The following GAREM2 variants were observed in gnomAD, a reference collection of about 807,000 sequenced individuals.
GAREM2 encodes GRB2-associated and regulator of MAPK protein 2.
Under a neutral mutation model 55.6 loss-of-function variants are expected in GAREM2, and 30 were observed. That is an observed-to-expected ratio of 0.54 (90% CI 0.40 to 0.73). The LOEUF (loss-of-function observed/expected upper bound fraction) is 0.73. Among genes scored for constraint, GAREM2 ranks in the 30% least tolerant of loss-of-function variants. GAREM2 has a pLI of 0.00. For missense variants in GAREM2, 1,075 were observed against 1,257.7 expected, an observed-to-expected ratio of 0.85 and a Z score of 2.20; for synonymous variants, 550 against 569.1, an observed-to-expected ratio of 0.97 and a Z score of 0.48.
At chr2:26,190,411 G>T (rs982993535), downstream of GAREM2, among the ~76,000 whole-genome samples, 1 of 152,136 alleles carries the variant, frequency 6.6e-6, no homozygotes, top group Non-Finnish European at 1.5e-5. Context: ...TGAAGCTTTG[G>T]GGGAGTGCAG....
At chr2:26,197,677 T>C in the GAREM2 span, 5 of 1,194,476 alleles carry the variant, frequency 4.2e-6, no homozygotes, top group Non-Finnish European at 6.3e-6. Flanking sequence ...GGTTTTTCTC[T>C]GTTCCGAGTT....
downstream of GAREM2, chr2:26,191,412 G>A (rs1195994754): frequency 1.2e-6 from 2 of 1,614,036 alleles, no homozygotes. Flanking sequence ...AGAGAAAGAG[G>A]ACTTCGTTGA....
chr2:26,175,351 A>G (rs1427568085), intron 1 of GAREM2, among the ~76,000 whole-genome samples: 3 of 151,422 alleles, frequency 2.0e-5, no homozygotes, highest in African/African-American at 7.3e-5. Flanking sequence ...ACCCCTCCCA[A>G]CTCCCAACAC....
At chr2:26,177,914 AC>A (rs1668915829) in intron 2 of GAREM2, among the ~76,000 whole-genome samples, 1 of 152,222 alleles carries the variant, frequency 6.6e-6, no homozygotes, top group Non-Finnish European at 1.5e-5. Context: ...GGTGTCAGCC[AC>A]CAAACCCAGC....
chr2:26,196,747 A>AT, the GAREM2 span, among the ~76,000 whole-genome samples: 1 of 152,236 alleles, frequency 6.6e-6, no homozygotes, highest in South Asian at 2.1e-4. Flanking sequence ...CTCTGCTCCG[A>AT]TGGCGGGGAG....
rs1188929764 is a variant in GAREM2 at position 26,176,238 on chromosome 2, C to T, written c.113-106C>T. The T allele has an allele frequency of 1.1e-5, 12 of 1,116,156 alleles. No homozygotes were observed. The Admixed American group carries it at 3.2e-4, about 30-fold the overall frequency. 69.1% of individuals were successfully genotyped at this position (1,116,156 alleles called of 1,614,324 possible). On this transcript the variant is annotated intron_variant, in intron 1 of 5. Coordinates refer to ENST00000401533, the MANE Select transcript of GAREM2 (RefSeq NM_001168241.2). ...CTGGACAGGGATTGTGTGGAGCTGT[C>T]CCTCAGGGGGGCGGTCTTGGTGAGG... is the stretch of plus-strand genomic sequence containing the variant.
chr2:26,173,260 A>T lies in GAREM2; in HGVS notation c.40A>T (p.Ser14Cys), dbSNP rs749477554. Reference sequence around the variant, plus strand: ...GGCCGGGCTGGCCGGCCTGCGCTGGAGCATGGGCGCCTTCCCGCTCGACCT... The same window carrying T: ...GGCCGGGCTGGCCGGCCTGCGCTGGTGCATGGGCGCCTTCCCGCTCGACCT... ...LAAGLAGLRW[S>C]MGAFPLDLIV... Residue 14 changes from serine (S) to cysteine (C), a missense_variant, in exon 1 of 6, where the codon AGC (serine) becomes TGC (cysteine). By Grantham distance (112) the Ser-to-Cys change is moderately radical. Coordinates refer to ENST00000401533, the MANE Select transcript of GAREM2 (RefSeq NM_001168241.2). 7.1e-7 allele frequency: 1 copy of T among 1,412,962 alleles called. No homozygotes were observed. The allele number at this position is 1,412,962 out of a possible 1,614,324, so 87.5% of individuals were successfully genotyped here.
chr2:26,181,297 C>G (rs1279665344), intron 2 of GAREM2: 1 of 210,684 alleles, frequency 4.7e-6, no homozygotes, highest in Non-Finnish European at 8.2e-6. Flanking sequence ...CACGCACCAT[C>G]TGGGGCAGGT....
chr2:26,173,717 C>G (rs1423480729), intron 1 of GAREM2, among the ~76,000 whole-genome samples: 1 of 151,114 alleles, frequency 6.6e-6, no homozygotes, highest in Non-Finnish European at 1.5e-5. Context: ...CCTCTGTCTT[C>G]CCTCATCCCT....
At chr2:26,197,536 C>G in the GAREM2 span, among the ~76,000 whole-genome samples, 1 of 152,206 alleles carries the variant, frequency 6.6e-6, no homozygotes, top group Non-Finnish European at 1.5e-5. Context: ...GCATCTCACA[C>G]TAGTCATGGT....
chr2:26,187,557 C>T lies in GAREM2; in HGVS notation c.1925C>T (p.Pro642Leu). 1 of 1,543,510 alleles carries T rather than the reference C, an allele frequency of 6.5e-7. No homozygotes were observed. The highest frequency in any genetic ancestry group is 8.7e-7 in the Non-Finnish European group (1 of 1,143,130). ...PFSGPAYPSG[P>L]SAALSSGPRT... ...TCCGGGCCTGCCTACCCCTCAGGCC[C>T]TTCAGCGGCCTTGTCTTCTGGGCCC... Residue 642 changes from proline (P) to leucine (L), a missense_variant, in exon 6 of 6, where the codon CCT becomes CTT. Transcript: ENST00000401533.
rs1392993366 is a variant in GAREM2 at position 26,188,306 on chromosome 2, G to C, written c.*49G>C. On this transcript the variant is annotated 3_prime_UTR_variant, in exon 6 of 6. Coordinates refer to ENST00000401533, the MANE Select transcript of GAREM2 (RefSeq NM_001168241.2). ...CTGGAATGCTGGTATGGGGGCCCCA[G>C]GTACAGCACTCCGGAGGAGCAGGTG... The C allele has an allele frequency of 6.6e-6, 9 of 1,362,382 alleles. No individual in the cohort carries two copies. The highest frequency in any genetic ancestry group is 8.7e-6 in the Non-Finnish European group (9 of 1,034,096). The allele number at this position is 1,362,382 out of a possible 1,614,324, so 84.4% of individuals were successfully genotyped here. A position where few individuals can be genotyped will look rare whatever the true frequency, so the allele number is the denominator to read the frequency against.
chr2:26,191,757 G>C (rs1669512657), downstream of GAREM2: 1 of 912,424 alleles, frequency 1.1e-6, no homozygotes, highest in Admixed American at 1.8e-5. Flanking sequence ...CTGGCCCTCA[G>C]AGAAGATGCT....
chr2:26,201,366 A>G, the GAREM2 span: 8 of 1,344,626 alleles, frequency 5.9e-6, 1 homozygote, highest in South Asian at 8.2e-5. Flanking sequence ...AAGGAAACTA[A>G]CGTTTATTGA....
the GAREM2 span, among the ~76,000 whole-genome samples, chr2:26,200,545 G>A: frequency 0.73 from 111,454 of 152,020 alleles, 41,091 homozygotes; most frequent in East Asian, 0.85. Context: ...TTTGGCTTTC[G>A]GCTAACCAAA....
the GAREM2 span, among the ~76,000 whole-genome samples, chr2:26,194,905 T>TA: frequency 2.6e-5 from 4 of 151,950 alleles, no homozygotes; most frequent in Non-Finnish European, 4.4e-5. Flanking sequence ...ACATCCTAGA[T>TA]ACTCCCCACT....
downstream of GAREM2, chr2:26,190,991 T>C (rs1574599687): frequency 3.5e-6 from 2 of 565,284 alleles, no homozygotes; most frequent in South Asian, 4.0e-5. Flanking sequence ...AGATGGCTCT[T>C]GGCTGCCACT....
At position 26,188,518 on chromosome 2, in the gene GAREM2, G is replaced by T; in HGVS notation, c.*261G>T. The T allele has an allele frequency of 5.5e-6, 2 of 365,094 alleles. No homozygotes were observed. Among genetic ancestry groups the T allele is most frequent in the Non-Finnish European group, 9.8e-6 (2 of 204,974 alleles). The allele number at this position is 365,094 out of a possible 1,614,324, so 22.6% of individuals were successfully genotyped here. A position where few individuals can be genotyped will look rare whatever the true frequency, so the allele number is the denominator to read the frequency against. ...CCACTGTGTACCTGGGCCCAGTAAG[G>T]CATTTGCCGTGATTCCCACAACGGG... On this transcript the variant is annotated 3_prime_UTR_variant, in exon 6 of 6. Transcript: ENST00000401533.
the GAREM2 span, among the ~76,000 whole-genome samples, chr2:26,198,275 C>T: frequency 6.6e-6 from 1 of 152,034 alleles, no homozygotes; most frequent in East Asian, 1.9e-4. Context: ...AGCTACAGTA[C>T]ACAAATACTA....
Sources: gnomAD v4.1 joint callset for allele counts (sites outside exome capture counted in the v4.1 genomes callset) on GRCh38, gnomAD v4.1.1 for gene constraint, MANE v1.5 for transcripts, NCBI Gene and HGNC (gene_info 2026-07-23, HGNC 2026-07-21) for gene names.